Variants in ABLIM1 observed in about 807,000 individuals in gnomAD.
ABLIM1 encodes actin binding LIM protein 1, also known as actin-binding LIM protein 1.
ABLIM1 carries 40 observed loss-of-function variants against 107.0 expected under a neutral mutation model. That is an observed-to-expected ratio of 0.37 (90% confidence interval 0.29 to 0.49). The LOEUF (loss-of-function observed/expected upper bound fraction) is 0.49. Among genes scored for constraint, ABLIM1 ranks in the 20% least tolerant of loss-of-function variants. ABLIM1 has a pLI of 0.97. For synonymous variants in ABLIM1, 357 were observed against 357.3 expected (o/e 1.00, Z 0.01); for missense variants, 857 against 1,008.5 (o/e 0.85, Z 2.04).
chr10:114,477,034 A>G (rs2056554938), intron 8 of ABLIM1, among the ~76,000 whole-genome samples: 1 of 152,108 alleles, frequency 6.6e-6, no homozygotes, highest in African/African-American at 2.4e-5. Context: ...TTCCTATTTT[A>G]CAGATAAGGA....
At chr10:114,493,897 G>C (rs1372024530) in intron 6 of ABLIM1, among the ~76,000 whole-genome samples, 1 of 152,138 alleles carries the variant, frequency 6.6e-6, no homozygotes, top group African/African-American at 2.4e-5. Context: ...GACCTTGACA[G>C]GCTGCTTCTG....
intron 1 of ABLIM1, among the ~76,000 whole-genome samples, chr10:114,617,085 T>C (rs1264512419): frequency 6.6e-6 from 1 of 152,080 alleles, no homozygotes; most frequent in Non-Finnish European, 1.5e-5. Context: ...TAGGGAATAA[T>C]TTTACAAAGC....
the ABLIM1 span, chr10:114,777,950 G>C: frequency 6.6e-6 from 1 of 152,306 alleles, no homozygotes; most frequent in African/African-American, 2.4e-5. Context: ...CTTTTTCTTA[G>C]GTGTTGCAGC....
chr10:114,439,017 T>C (rs2059817785), intron 21 of ABLIM1, among the ~76,000 whole-genome samples, 159 bp downstream of exon 21: 1 of 152,216 alleles, frequency 6.6e-6, no homozygotes, highest in African/African-American at 2.4e-5. Context: ...GCTGACCTGA[T>C]GTGGGCAAAA....
chr10:114,481,495 T>C (rs1218035493), intron 8 of ABLIM1, among the ~76,000 whole-genome samples: 3 of 151,998 alleles, frequency 2.0e-5, no homozygotes, highest in African/African-American at 7.3e-5. Flanking sequence ...TGGGTTTTTG[T>C]TGAAGTTCAC....
chr10:114,691,873 C>A (rs2081086987), intron 1 of ABLIM1, among the ~76,000 whole-genome samples: 1 of 152,092 alleles, frequency 6.6e-6, no homozygotes, highest in South Asian at 2.1e-4. Flanking sequence ...TGTGCTATAC[C>A]CAGAAGGCTA....
chr10:114,620,847 GGAA>G (rs2077422000), intron 1 of ABLIM1, among the ~76,000 whole-genome samples: 2 of 152,178 alleles, frequency 1.3e-5, no homozygotes, highest in African/African-American at 4.8e-5. Flanking sequence ...ATCCCTCCGT[GGAA>G]CCTAGGATGA....
At chr10:114,682,441 G>A (rs1340512389) in intron 1 of ABLIM1, among the ~76,000 whole-genome samples, 1 of 151,898 alleles carries the variant, frequency 6.6e-6, no homozygotes, top group Non-Finnish European at 1.5e-5. Context: ...ATGTAAGCAG[G>A]GTCAGACTTA....
chr10:114,606,078 A>C (rs1225715274), intron 1 of ABLIM1, among the ~76,000 whole-genome samples: 1 of 152,150 alleles, frequency 6.6e-6, no homozygotes, highest in Non-Finnish European at 1.5e-5. Context: ...TTCCAAATCC[A>C]GAACTAGCCT....
At chr10:114,711,945 C>T (rs1342355195) in intron 1 of ABLIM1, among the ~76,000 whole-genome samples, 1 of 152,122 alleles carries the variant, frequency 6.6e-6, no homozygotes, top group Non-Finnish European at 1.5e-5. Context: ...GGGTTAGTCT[C>T]TAGGAGCACA....
chr10:114,726,404 T>A (rs985558174), intron 1 of ABLIM1, among the ~76,000 whole-genome samples: 2 of 151,984 alleles, frequency 1.3e-5, no homozygotes, highest in Non-Finnish European at 2.9e-5. Flanking sequence ...CTGGGGACAC[T>A]TCAGGAAGCT....
At chr10:114,618,470 A>G (rs1209591975) in intron 1 of ABLIM1, among the ~76,000 whole-genome samples, 2 of 152,288 alleles carry the variant, frequency 1.3e-5, no homozygotes. Flanking sequence ...AACTGAAAAA[A>G]ACCCTGACTC....
At chr10:114,465,493 T>C (rs1179873398) in intron 12 of ABLIM1, 1 of 497,094 alleles carries the variant, frequency 2.0e-6, no homozygotes, top group East Asian at 3.9e-5. Context: ...ATTTAATAAA[T>C]CAAAATGAAC....
chr10:114,683,143 T>C (rs1434593525), intron 1 of ABLIM1, among the ~76,000 whole-genome samples: 1 of 152,234 alleles, frequency 6.6e-6, no homozygotes, highest in Non-Finnish European at 1.5e-5. Flanking sequence ...AAGTCCAGAA[T>C]GTCAAAGAAT....
At chr10:114,440,748 A>T (rs1232139205) in intron 19 of ABLIM1, 3 of 549,328 alleles carry the variant, frequency 5.5e-6, no homozygotes, top group Non-Finnish European at 1.0e-5. Context: ...GGCATGAGCC[A>T]CCATGCCTGG....
At chr10:114,637,035 TAAAAAAAAAAAAAA>T (rs3061732) in intron 1 of ABLIM1, among the ~76,000 whole-genome samples, 2,765 of 104,072 alleles carry the variant, frequency 0.027, 101 homozygotes, top group African/African-American at 0.092. Context: ...GCTGTCTCTT[TAAAAAAAAAAAAAA>T]AAAAAAAAAG....
intron 10 of ABLIM1, among the ~76,000 whole-genome samples, chr10:114,469,786 T>C (rs2066090695): frequency 6.6e-6 from 1 of 152,210 alleles, no homozygotes; most frequent in Non-Finnish European, 1.5e-5. Context: ...CTCAAGTATT[T>C]TCCAGATGAA....
At chr10:114,800,778 G>A in the ABLIM1 span, among the ~76,000 whole-genome samples, 2 of 152,080 alleles carry the variant, frequency 1.3e-5, no homozygotes, top group Non-Finnish European at 2.9e-5. Context: ...CAGGCATGGC[G>A]CATGCCTGTA....
At chr10:114,491,156 T>C (rs1176629419) in intron 7 of ABLIM1, among the ~76,000 whole-genome samples, 1 of 151,680 alleles carries the variant, frequency 6.6e-6, no homozygotes, top group Non-Finnish European at 1.5e-5. Context: ...AATGGCTCCC[T>C]GGTAAAAAGT....
Sources: gnomAD v4.1 joint callset for allele counts (sites outside exome capture counted in the v4.1 genomes callset) on GRCh38, gnomAD v4.1.1 for gene constraint, MANE v1.5 for transcripts, NCBI Gene and HGNC (gene_info 2026-07-23, HGNC 2026-07-21) for gene names.